Variants in CDH2 observed in about 807,000 individuals in gnomAD.
The protein encoded by CDH2 is cadherin-2.
CDH2 carries 17 observed loss-of-function variants against 92.0 expected under a neutral mutation model. That is an observed-to-expected ratio of 0.18 (90% CI 0.13 to 0.28). CDH2 has a LOEUF of 0.28. Ranked by LOEUF, CDH2 falls within the 10% of genes least tolerant of loss-of-function variation. The pLI is 1.00. For missense variants in CDH2, 862 were observed against 1,133.1 expected, an observed-to-expected ratio of 0.76 and a Z score of 3.44; for synonymous variants, 419 against 415.9, an observed-to-expected ratio of 1.01 and a Z score of -0.09.
chr18:28,158,598 A>T (rs1312476662), intron 1 of CDH2, among the ~76,000 whole-genome samples: 1 of 152,146 alleles, frequency 6.6e-6, no homozygotes, highest in Non-Finnish European at 1.5e-5. Flanking sequence ...TGTTACCCTG[A>T]ATGGCAATTC....
At chr18:28,107,936 G>C (rs184114338) in intron 2 of CDH2, among the ~76,000 whole-genome samples, 18 of 152,268 alleles carry the variant, frequency 1.2e-4, no homozygotes, top group Non-Finnish European at 2.2e-4. Flanking sequence ...GTTTCCTCCA[G>C]TATCCTTCCA....
At chr18:28,054,902 C>T (rs1049578569) in intron 2 of CDH2, among the ~76,000 whole-genome samples, 14 of 152,126 alleles carry the variant, frequency 9.2e-5, no homozygotes, top group African/African-American at 3.4e-4. Flanking sequence ...TTATTTTCAG[C>T]TGGTTATTTC....
chr18:28,165,140 TATCCAAC>T (rs1411693562), intron 1 of CDH2, among the ~76,000 whole-genome samples: 6 of 152,344 alleles, frequency 3.9e-5, no homozygotes, highest in Admixed American at 3.3e-4. Flanking sequence ...TTCAAATAAA[TATCCAAC>T]ATCTTGCTCA....
At chr18:28,138,474 T>C (rs1387367697) in intron 2 of CDH2, among the ~76,000 whole-genome samples, 11 of 152,078 alleles carry the variant, frequency 7.2e-5, no homozygotes, top group Non-Finnish European at 1.5e-4. Context: ...CCACGAAGTA[T>C]TGAGCTCAGT....
At chr18:28,160,001 AG>A (rs1318297345) in intron 1 of CDH2, among the ~76,000 whole-genome samples, 2 of 152,126 alleles carry the variant, frequency 1.3e-5, no homozygotes, top group Non-Finnish European at 2.9e-5. Flanking sequence ...TTGATTGTGT[AG>A]GGTGGCTGGT....
rs904818987 is a variant in CDH2 at position 28,007,173 on chromosome 18, T to A, written c.703-1180A>T. On this transcript the variant is annotated intron_variant, in intron 5 of 15. Coordinates refer to ENST00000269141, the MANE Select transcript of CDH2 (RefSeq NM_001792.5). ...AGACTCCATAAAAAAAAAATATATA[T>A]ATATATATATATATATATATACGAG... Among the ~76,000 whole-genome samples, 244 of 129,500 alleles carry A rather than the reference T, an allele frequency of 1.9e-3. 4 individuals carry two copies. The highest frequency in any genetic ancestry group is 6.8e-3 in the African/African-American group (224 of 33,170). 85.0% of individuals were successfully genotyped at this position (129,500 alleles called of 152,430 possible). A position where few individuals can be genotyped will look rare whatever the true frequency, so the allele number is the denominator to read the frequency against.
At chr18:27,947,700 G>A (rs1290022102), downstream of CDH2, among the ~76,000 whole-genome samples, 4 of 137,494 alleles carry the variant, frequency 2.9e-5, no homozygotes, top group East Asian at 2.0e-4. Context: ...TGTATATGAT[G>A]TAAGTATATG....
chr18:28,153,207 A>C (rs1311416888), intron 1 of CDH2, among the ~76,000 whole-genome samples: 3 of 152,202 alleles, frequency 2.0e-5, no homozygotes, highest in African/African-American at 7.2e-5. Flanking sequence ...AAGGTACAGC[A>C]GAACAAAGCC....
intron 2 of CDH2, among the ~76,000 whole-genome samples, chr18:28,115,227 A>C (rs2015477426): frequency 6.6e-6 from 1 of 152,128 alleles, no homozygotes; most frequent in Admixed American, 6.6e-5. Context: ...TTTATGAAAG[A>C]GATTCCTGAC....
chr18:28,157,092 C>T (rs1161762352), intron 1 of CDH2, among the ~76,000 whole-genome samples: 1 of 152,178 alleles, frequency 6.6e-6, no homozygotes, highest in Non-Finnish European at 1.5e-5. Context: ...AAGGCTAATA[C>T]TATCATTAGA....
chr18:28,116,663 C>A (rs1202918683), intron 2 of CDH2, among the ~76,000 whole-genome samples: 1 of 152,112 alleles, frequency 6.6e-6, no homozygotes, highest in Non-Finnish European at 1.5e-5. Context: ...GGTTTTTATA[C>A]AAAACCAGCT....
At chr18:28,176,277 T>C (rs1275756766) in intron 1 of CDH2, among the ~76,000 whole-genome samples, 1 of 152,160 alleles carries the variant, frequency 6.6e-6, no homozygotes, top group East Asian at 1.9e-4. Flanking sequence ...GGGGAGATAC[T>C]AGGCGTGAGA....
rs8092870 is a variant in CDH2 at position 27,982,867 on chromosome 18, C to T, written c.2349+77G>A. The T allele has an allele frequency of 0.37, 311,893 of 845,816 alleles. 61,346 individuals carry two copies. The highest frequency in any genetic ancestry group is 0.41 in the Non-Finnish European group (239,227 of 583,282). The allele number at this position is 845,816 out of a possible 1,614,324, so 52.4% of individuals were successfully genotyped here. On this transcript the variant is annotated intron_variant, in intron 14 of 15. Coordinates refer to ENST00000269141, the MANE Select transcript of CDH2 (RefSeq NM_001792.5). Reference sequence around the variant, plus strand: ...AGGGAAACCTGATACCATTTTCTTACTGATGTATTAACACTTCCCACTATT... The same window carrying T: ...AGGGAAACCTGATACCATTTTCTTATTGATGTATTAACACTTCCCACTATT...
At chr18:28,139,777 T>G (rs1450936885) in intron 2 of CDH2, among the ~76,000 whole-genome samples, 2 of 151,998 alleles carry the variant, frequency 1.3e-5, no homozygotes, top group African/African-American at 4.8e-5. Flanking sequence ...ATTTAAACTG[T>G]TTTTTCTTTC....
chr18:28,045,712 T>A (rs2014061833), intron 2 of CDH2: 1 of 183,924 alleles, frequency 5.4e-6, no homozygotes, highest in Non-Finnish European at 1.1e-5. Flanking sequence ...AATGCTTCCA[T>A]CACAGCACTC....
chr18:28,067,408 C>A (rs2014530297), intron 2 of CDH2, among the ~76,000 whole-genome samples: 1 of 152,122 alleles, frequency 6.6e-6, no homozygotes, highest in Non-Finnish European at 1.5e-5. Context: ...TACCACCCAA[C>A]CTTAGGCAAC....
chr18:28,109,080 A>G (rs2015369075), intron 2 of CDH2, among the ~76,000 whole-genome samples: 1 of 152,194 alleles, frequency 6.6e-6, no homozygotes, highest in Non-Finnish European at 1.5e-5. Flanking sequence ...CCATGGGAGA[A>G]TAATTAGGCT....
chr18:28,023,181 A>C (rs1449839235), intron 2 of CDH2, among the ~76,000 whole-genome samples: 2 of 152,188 alleles, frequency 1.3e-5, no homozygotes, highest in Admixed American at 1.3e-4. Context: ...ACGATTTATA[A>C]GCAAACTTTT....
intron 2 of CDH2, among the ~76,000 whole-genome samples, chr18:28,051,774 T>C (rs2014196420): frequency 6.6e-6 from 1 of 152,110 alleles, no homozygotes; most frequent in South Asian, 2.1e-4. Flanking sequence ...CTCCTGAATG[T>C]GCTAAAGTGT....
Sources: allele counts gnomAD v4.1 joint callset (sites outside exome capture counted in the v4.1 genomes callset), GRCh38; gene constraint gnomAD v4.1.1; transcripts MANE v1.5; gene names NCBI Gene and HGNC (gene_info 2026-07-23, HGNC 2026-07-21).